The following UBE2G1 variants were observed in gnomAD, a reference collection of about 807,000 sequenced individuals.
UBE2G1 encodes the protein ubiquitin conjugating enzyme E2 G1, also known as ubiquitin-conjugating enzyme E2 G1.
A neutral mutation model predicts 22.7 loss-of-function variants in UBE2G1; 5 were observed. That is an observed-to-expected ratio of 0.22 (90% CI 0.12 to 0.46). The LOEUF (loss-of-function observed/expected upper bound fraction) is 0.46. Ranked by LOEUF, UBE2G1 falls within the 20% of genes least tolerant of loss-of-function variation. The pLI, the probability that UBE2G1 is intolerant of heterozygous loss-of-function variation, is 0.99. For synonymous variants in UBE2G1, 74 were observed against 67.5 expected (o/e 1.10, Z -0.47); for missense variants, 88 against 203.9 (o/e 0.43, Z 3.46).
intron 3 of UBE2G1, among the ~76,000 whole-genome samples, chr17:4,293,944 C>A (rs1050730338): frequency 1.8e-4 from 27 of 152,194 alleles, no homozygotes; most frequent in Non-Finnish European, 2.9e-4. Flanking sequence ...CCCTTCCAAT[C>A]TTCTATGAGT....
intron 4 of UBE2G1, among the ~76,000 whole-genome samples, chr17:4,288,121 A>G (rs1041813749): frequency 1.3e-5 from 2 of 152,228 alleles, no homozygotes; most frequent in Admixed American, 1.3e-4. Flanking sequence ...CAAAATTTCT[A>G]CAACTGGTGA....
Position 4,269,349 on chromosome 17 carries a change from CACAT to C in UBE2G1, c.*3201_*3204del, listed in dbSNP as rs1378715932. The C allele has an allele frequency of 6.6e-6, 1 of 152,432 alleles. No homozygotes were observed. The highest frequency in any genetic ancestry group is 1.5e-5 in the Non-Finnish European group (1 of 68,042). The allele number at this position is 152,432 out of a possible 1,614,324, so 9.4% of individuals were successfully genotyped here. A position where few individuals can be genotyped will look rare whatever the true frequency, so the allele number is the denominator to read the frequency against. On this transcript the variant is annotated 3_prime_UTR_variant, in exon 6 of 6. Transcript: ENST00000396981. ...ATACAGTAAACATCACAACAGAACT[CACAT>C]AGTTAAATACAATCAACAAATTACA...
intron 1 of UBE2G1, among the ~76,000 whole-genome samples, chr17:4,332,940 C>A (rs1969596787): frequency 6.6e-6 from 1 of 152,192 alleles, no homozygotes; most frequent in South Asian, 2.1e-4. Flanking sequence ...ATTAATTCTT[C>A]TCTCCCCTAC....
chr17:4,292,770 T>A (rs1397651191), intron 3 of UBE2G1, among the ~76,000 whole-genome samples: 2 of 152,222 alleles, frequency 1.3e-5, no homozygotes, highest in Admixed American at 6.5e-5. Flanking sequence ...ATTAACTATA[T>A]TTTCCGTAGG....
At chr17:4,316,852 AC>A (rs1458040784) in intron 1 of UBE2G1, among the ~76,000 whole-genome samples, 2 of 149,978 alleles carry the variant, frequency 1.3e-5, no homozygotes, top group African/African-American at 2.5e-5. Context: ...AGTCAGGAGG[AC>A]TGTTTGGGCC....
intron 1 of UBE2G1, among the ~76,000 whole-genome samples, chr17:4,336,690 C>A (rs1969652422): frequency 1.3e-5 from 2 of 152,200 alleles, no homozygotes; most frequent in Admixed American, 1.3e-4. Context: ...CCACACCCAG[C>A]TAATTTTTGT....
chr17:4,335,121 TG>T, intron 1 of UBE2G1: 1 of 152,278 alleles, frequency 6.6e-6, no homozygotes, highest in African/African-American at 2.4e-5. Context: ...ATAAAACTGA[TG>T]TTTCTTGAGT....
intron 1 of UBE2G1, among the ~76,000 whole-genome samples, chr17:4,358,689 C>A (rs892029252): frequency 7.9e-5 from 12 of 152,198 alleles, no homozygotes; most frequent in Non-Finnish European, 1.5e-5. Flanking sequence ...GCGTGGCTCA[C>A]GCCTGTAATC....
intron 3 of UBE2G1, among the ~76,000 whole-genome samples, 179 bp downstream of exon 3, chr17:4,296,538 G>A (rs887643584): frequency 2.0e-5 from 3 of 152,184 alleles, no homozygotes; most frequent in African/African-American, 7.2e-5. Flanking sequence ...ACAGGTGTGA[G>A]CCACTGCACC....
At chr17:4,328,755 G>C (rs1265584893) in intron 1 of UBE2G1, among the ~76,000 whole-genome samples, 1 of 152,158 alleles carries the variant, frequency 6.6e-6, no homozygotes, top group Admixed American at 6.5e-5. Flanking sequence ...GGAAATTATT[G>C]ACTGCCACTT....
chr17:4,328,979 GC>G (rs1969533560), intron 1 of UBE2G1, among the ~76,000 whole-genome samples: 4 of 152,008 alleles, frequency 2.6e-5, no homozygotes, highest in Admixed American at 6.6e-5. Flanking sequence ...GGTGGCGGAC[GC>G]CTGTAGTCCC....
At chr17:4,302,600 T>C in intron 2 of UBE2G1, 1 of 395,066 alleles carries the variant, frequency 2.5e-6, no homozygotes, top group Non-Finnish European at 5.1e-6. Context: ...TATGTGACTT[T>C]TATCTGTGGT....
At chr17:4,306,494 CTATTATTT>C (rs1969250603) in intron 2 of UBE2G1, among the ~76,000 whole-genome samples, 1 of 151,576 alleles carries the variant, frequency 6.6e-6, no homozygotes, top group Admixed American at 6.6e-5. Flanking sequence ...CGGCCTGAAA[CTATTATTT>C]TTAATAGCAA....
chr17:4,295,318 G>GA lies in UBE2G1; in HGVS notation c.247+1398dup, dbSNP rs1182977772. On this transcript the variant is annotated intron_variant, in intron 3 of 5. Coordinates refer to ENST00000396981, the MANE Select transcript of UBE2G1 (RefSeq NM_003342.5). Reference sequence around the variant, plus strand: ...GATATTTTCCTCTTCTTACTGGTAGGAAAAATCACTATCTTTTACGATCAC... The same window carrying GA: ...GATATTTTCCTCTTCTTACTGGTAGGAAAAAATCACTATCTTTTACGATCAC... Among the ~76,000 whole-genome samples the GA allele has an allele frequency of 3.9e-5, 6 of 152,258 alleles. No homozygotes were observed. The East Asian group carries it at 1.2e-3, about 29-fold the overall frequency.
chr17:4,332,163 CTTTTTT>C (rs1376399164), intron 1 of UBE2G1, among the ~76,000 whole-genome samples: 1 of 151,896 alleles, frequency 6.6e-6, no homozygotes. Flanking sequence ...AGTTTTTATT[CTTTTTT>C]TATTTTACAT....
chr17:4,306,344 G>T (rs889089898), intron 2 of UBE2G1, among the ~76,000 whole-genome samples: 8 of 151,116 alleles, frequency 5.3e-5, no homozygotes, highest in African/African-American at 1.7e-4. Context: ...ATGCCACCAT[G>T]CCCAGCTAAT....
At chr17:4,355,487 C>A (rs1051296461) in intron 1 of UBE2G1, among the ~76,000 whole-genome samples, 1 of 146,548 alleles carries the variant, frequency 6.8e-6, no homozygotes, top group Non-Finnish European at 1.5e-5. Flanking sequence ...ACTAAAAATA[C>A]AAAAATTAGC....
At position 4,291,969 on chromosome 17, in the gene UBE2G1, T is replaced by C. The variant is rs529928406; in HGVS notation, c.248-2561A>G. Among the ~76,000 whole-genome samples the C allele has an allele frequency of 2.0e-5, 3 of 152,290 alleles. No individual in the cohort carries two copies. In the East Asian group the frequency reaches 5.8e-4, roughly 29 times the overall value. The stretch of plus-strand genomic sequence containing the variant: ...ACGGTGTTTCTTAGTTTTCCCCATA[T>C]AATTTTTGCTTGTTACTTTTTTCTT... On this transcript the variant is annotated intron_variant, in intron 3 of 5. Transcript: ENST00000396981.
chr17:4,315,614 C>T (rs886309050), intron 1 of UBE2G1, among the ~76,000 whole-genome samples: 3 of 150,408 alleles, frequency 2.0e-5, no homozygotes, highest in Non-Finnish European at 4.4e-5. Context: ...GTGGCGGGCG[C>T]CTGTAGTCCC....
Sources: allele counts gnomAD v4.1 joint callset (sites outside exome capture counted in the v4.1 genomes callset), GRCh38; gene constraint gnomAD v4.1.1; transcripts MANE v1.5; gene names NCBI Gene and HGNC (gene_info 2026-07-23, HGNC 2026-07-21).